PARD3: variants seen among roughly 807,000 people sequenced by gnomAD.
PARD3 encodes the protein partitioning defective 3 homolog.
Under a neutral mutation model 155.4 loss-of-function variants are expected in PARD3, and 75 were observed. The ratio of observed to expected loss-of-function variants is 0.48; its 90% CI spans 0.40 to 0.58. The LOEUF (loss-of-function observed/expected upper bound fraction) is 0.58. Ranked by LOEUF, PARD3 falls within the 20% of genes least tolerant of loss-of-function variation. The pLI is 0.00. For missense variants in PARD3, 1,642 were observed against 1,721.7 expected (o/e 0.95, Z 0.82); for synonymous variants, 576 against 610.5 (o/e 0.94, Z 0.83).
At chr10:34,134,668 T>C (rs1947800283) in intron 22 of PARD3, among the ~76,000 whole-genome samples, 1 of 152,220 alleles carries the variant, frequency 6.6e-6, no homozygotes, top group African/African-American at 2.4e-5. Context: ...CTCCCAATAC[T>C]CTAGAGAAAG....
intron 11 of PARD3, among the ~76,000 whole-genome samples, chr10:34,374,320 T>C (rs1840997726): frequency 6.6e-6 from 1 of 152,208 alleles, no homozygotes; most frequent in Non-Finnish European, 1.5e-5. Flanking sequence ...TTCCTTCATT[T>C]ATGTCATCCT....
intron 12 of PARD3, among the ~76,000 whole-genome samples, chr10:34,369,324 ATTTATTTATTTAT>A (rs1840341365): frequency 6.6e-6 from 1 of 150,764 alleles, no homozygotes; most frequent in African/African-American, 2.4e-5. Flanking sequence ...TTGTTTATTT[ATTTATTTATTTAT>A]TTATTTATTT....
rs139435359 is a variant in PARD3, at chr10:34,473,758, C to T, written c.404-3495G>A. Among the ~76,000 whole-genome samples, 1,407 of 152,280 alleles carry T rather than the reference C, an allele frequency of 9.2e-3. 11 individuals carry two copies. Among genetic ancestry groups the T allele is most frequent in the Middle Eastern group, 0.027 (8 of 294 alleles). ...TTACCTACTGTTTCCGTGGTAATAA[C>T]CTAATGTCCCAGTTACTACTCCTTT... On this transcript the variant is annotated intron_variant, in intron 3 of 24. Coordinates refer to ENST00000374788, the MANE Select transcript of PARD3 (RefSeq NM_001184785.2).
At chr10:34,705,054 T>A (rs2094342653) in intron 1 of PARD3, among the ~76,000 whole-genome samples, 1 of 152,126 alleles carries the variant, frequency 6.6e-6, no homozygotes, top group African/African-American at 2.4e-5. Flanking sequence ...AAAACAAACA[T>A]TTTTAGAATA....
chr10:34,254,537 CGTGTGTGTGTGTGT>C lies in PARD3; in HGVS notation c.3419+15106_3419+15119del, dbSNP rs55901749. Among the ~76,000 whole-genome samples, 1,055 of 145,590 alleles carry C rather than the reference CGTGTGTGTGTGTGT, an allele frequency of 7.2e-3. 6 individuals are homozygous for C. The highest frequency in any genetic ancestry group is 9.7e-3 in the Non-Finnish European group (646 of 66,304). ...GAGTATTAACATCTAGGTAGGTAAA[CGTGTGTGTGTGTGT>C]GTGTGTGTGTGTGTGTGTGTGTGTG... On this transcript the variant is annotated intron_variant, in intron 22 of 24. Coordinates refer to ENST00000374788, the MANE Select transcript of PARD3 (RefSeq NM_001184785.2).
At chr10:34,659,734 T>C (rs1231441880) in intron 2 of PARD3, among the ~76,000 whole-genome samples, 2 of 152,156 alleles carry the variant, frequency 1.3e-5, no homozygotes, top group Non-Finnish European at 2.9e-5. Context: ...ATAATACTAT[T>C]AATTTCTAAT....
intron 20 of PARD3, among the ~76,000 whole-genome samples, chr10:34,296,843 A>G (rs1219037286): frequency 6.6e-6 from 1 of 152,198 alleles, no homozygotes. Flanking sequence ...AGAGTTAGGC[A>G]CCATGGCATG....
chr10:34,749,358 T>G (rs939357436), intron 1 of PARD3, among the ~76,000 whole-genome samples: 5 of 152,130 alleles, frequency 3.3e-5, no homozygotes, highest in Admixed American at 1.3e-4. Flanking sequence ...ATGTTATTAT[T>G]TGCACACAAT....
At chr10:34,561,247 G>T (rs1204677523) in intron 2 of PARD3, among the ~76,000 whole-genome samples, 2 of 152,152 alleles carry the variant, frequency 1.3e-5, no homozygotes. Flanking sequence ...CTTCTCCAGG[G>T]AATGAAATGA....
chr10:34,526,222 C>T (rs1367873859), intron 2 of PARD3, among the ~76,000 whole-genome samples: 1 of 151,984 alleles, frequency 6.6e-6, no homozygotes, highest in Non-Finnish European at 1.5e-5. Flanking sequence ...ACAACCACCA[C>T]CAAAACCCAC....
intron 3 of PARD3, among the ~76,000 whole-genome samples, chr10:34,485,110 G>C (rs1462820754): frequency 6.6e-6 from 1 of 152,158 alleles, no homozygotes; most frequent in Non-Finnish European, 1.5e-5. Context: ...GGCCAAGGCA[G>C]GCAGATCACC....
intron 21 of PARD3, among the ~76,000 whole-genome samples, chr10:34,280,623 T>C (rs891233443): frequency 4.6e-5 from 7 of 152,182 alleles, no homozygotes; most frequent in Admixed American, 4.6e-4. Context: ...TTAAACTTGC[T>C]CGCAGTTCTG....
At chr10:34,157,041 C>A (rs1208506407) in intron 22 of PARD3, among the ~76,000 whole-genome samples, 1 of 152,132 alleles carries the variant, frequency 6.6e-6, no homozygotes, top group Admixed American at 6.5e-5. Context: ...AAGATTCAAA[C>A]TGAATTGTAA....
At chr10:34,481,173 A>ATT (rs1383234122) in intron 3 of PARD3, among the ~76,000 whole-genome samples, 1 of 151,792 alleles carries the variant, frequency 6.6e-6, no homozygotes, top group Non-Finnish European at 1.5e-5. Context: ...CAACCAAGTA[A>ATT]TAAGCATAGT....
chr10:34,314,718 A>G (rs143550475), intron 20 of PARD3, among the ~76,000 whole-genome samples: 66 of 152,374 alleles, frequency 4.3e-4, no homozygotes, highest in African/African-American at 1.5e-3. Context: ...TCGTCATTAT[A>G]TAGTATTAGC....
chr10:34,613,119 A>G (rs2091026657), intron 2 of PARD3, among the ~76,000 whole-genome samples: 1 of 152,214 alleles, frequency 6.6e-6, no homozygotes, highest in Non-Finnish European at 1.5e-5. Context: ...AGGCATGCTC[A>G]GAACTAGCCT....
chr10:34,555,399 T>C (rs1256952782), intron 2 of PARD3, among the ~76,000 whole-genome samples: 1 of 152,156 alleles, frequency 6.6e-6, no homozygotes, highest in African/African-American at 2.4e-5. Context: ...TGATGGGAAG[T>C]TTTTCTTCTG....
chr10:34,308,141 A>C (rs1347224362), intron 20 of PARD3, among the ~76,000 whole-genome samples: 1 of 152,124 alleles, frequency 6.6e-6, no homozygotes, highest in Non-Finnish European at 1.5e-5. Flanking sequence ...TGAAGGAAAG[A>C]GCGGTAGGGA....
At chr10:34,752,587 A>G (rs1836189203) in intron 1 of PARD3, among the ~76,000 whole-genome samples, 1 of 152,040 alleles carries the variant, frequency 6.6e-6, no homozygotes, top group African/African-American at 2.4e-5. Context: ...TATGAAGACC[A>G]GCCATGGCAC....
Sources: allele counts gnomAD v4.1 joint callset (sites outside exome capture counted in the v4.1 genomes callset), GRCh38; gene constraint gnomAD v4.1.1; transcripts MANE v1.5; gene names NCBI Gene and HGNC (gene_info 2026-07-23, HGNC 2026-07-21).